ADGRD2: variants seen among roughly 807,000 people sequenced by gnomAD.
ADGRD2 encodes G protein-coupled receptor PGR24.
Under a neutral mutation model 44.4 loss-of-function variants are expected in ADGRD2, and 71 were observed. The ratio of observed to expected loss-of-function variants is 1.60; its 90% CI spans 1.32 to 1.95. ADGRD2 has a LOEUF of 1.95. Among genes scored for constraint, ADGRD2 ranks in the 30% most tolerant of loss-of-function variants. ADGRD2 has a pLI of 0.00. For missense variants in ADGRD2, 1,039 were observed against 512.4 expected, an observed-to-expected ratio of 2.03 and a Z score of -9.92; for synonymous variants, 481 against 224.8, an observed-to-expected ratio of 2.14 and a Z score of -10.19.
At chr9:124,464,221 C>T (rs4838182) in intron 10 of ADGRD2, among the ~76,000 whole-genome samples, 102,500 of 151,968 alleles carry the variant, frequency 0.67, 35,046 homozygotes, top group African/African-American at 0.78. Flanking sequence ...ATGTGTTACT[C>T]ATTGTGACAC....
chr9:124,473,485 G>A (rs187458737), intron 17 of ADGRD2, among the ~76,000 whole-genome samples: 240 of 152,322 alleles, frequency 1.6e-3, no homozygotes, highest in Non-Finnish European at 2.9e-3. Context: ...TTCAGCTGAC[G>A]TAACATTTGC....
At chr9:124,453,001 G>C (rs1831520708) in intron 2 of ADGRD2, 34 bp from the exon 6 acceptor site, 7 of 631,778 alleles carry the variant, frequency 1.1e-5, no homozygotes, top group Non-Finnish European at 2.0e-5. Flanking sequence ...GCACAGGTGA[G>C]GAAACTGAGG....
At position 124,454,881 on chromosome 9, in the gene ADGRD2, G is replaced by C. The variant is rs1466203668; in HGVS notation, c.1149G>C (p.Leu383=). 4.2e-6 allele frequency: 3 copies of C among 711,560 alleles called. No homozygotes were observed. In the East Asian group the frequency reaches 8.0e-5, roughly 19 times the overall value. 44.1% of individuals were successfully genotyped at this position (711,560 alleles called of 1,614,324 possible). A position where few individuals can be genotyped will look rare whatever the true frequency, so the allele number is the denominator to read the frequency against. Residue 383 remains leucine, a synonymous_variant, in exon 6 of 22, where the codon CTG becomes CTC. Transcript: ENST00000334810. The surrounding 1 kb of genome is among the most constrained non-coding windows in gnomAD (Gnocchi z 4.5). ...CCCTCTCCGAAGTCCATGGGGCCCT[G>C]TCCCCAGCGGAGGCCTCCAGCTTCC...
rs186472083 is a variant in ADGRD2, at chr9:124,460,716, A to G, written c.1870+1995A>G. On this transcript the variant is annotated intron_variant, in intron 10 of 21. Transcript: ENST00000334810. The stretch of plus-strand genomic sequence containing the variant: ...TTTTTCCATTTACCTGCTGACAGAG[A>G]TTTGACTTGTTTTCAGTTTGGGCTA... Among the ~76,000 whole-genome samples the G allele has an allele frequency of 1.8e-3, 268 of 152,018 alleles. 1 individual carries two copies. Among genetic ancestry groups the G allele is most frequent in the African/African-American group, 6.0e-3 (250 of 41,420 alleles).
chr9:124,472,111 G>A (rs1171629998), intron 17 of ADGRD2, among the ~76,000 whole-genome samples: 1 of 152,162 alleles, frequency 6.6e-6, no homozygotes, highest in Non-Finnish European at 1.5e-5. Flanking sequence ...GTGCCCCTCG[G>A]GTGGGCAGAG....
chr9:124,468,728 G>C, intron 14 of ADGRD2, 56 bp downstream of exon 17: 1 of 664,160 alleles, frequency 1.5e-6, no homozygotes. Flanking sequence ...TTGCACGGCC[G>C]ACCCTGCCAT....
At chr9:124,468,789 G>A (rs975403863) in intron 14 of ADGRD2, 117 bp downstream of exon 17, 15 of 616,120 alleles carry the variant, frequency 2.4e-5, no homozygotes, top group South Asian at 3.8e-5. Context: ...CTCAGCATCC[G>A]GCATTTAGCG....
chr9:124,452,704 C>T (rs1831510895), exon 2 of ADGRD2: 2 of 714,840 alleles, frequency 2.8e-6, no homozygotes, highest in Non-Finnish European at 5.2e-6. Flanking sequence ...GGCCCCTCTG[C>T]GGAGACCCCC....
chr9:124,451,997 G>GCCGGGGGGGGGCCCCCCCCCC, upstream of ADGRD2: 1 of 360,938 alleles, frequency 2.8e-6, no homozygotes, highest in Non-Finnish European at 5.5e-6. Flanking sequence ...TCCACTGAAT[G>GCCGGGGGGGGGCCCCCCCCCC]CCCCCCTCCC....
rs1380323576 is a variant in ADGRD2, at chr9:124,454,344, G to A, written c.1023-140G>A. On this transcript the variant is annotated intron_variant, in intron 4 of 21. Transcript: ENST00000334810. This position sits in a 1 kb window ranked among gnomAD's most constrained non-coding sequence, Gnocchi z 4.5. ...TCAGTTTCCCCATCTAGAACACCGT[G>A]TGTAAGACTCTGGACACACAGCCAT... is the stretch of plus-strand genomic sequence containing the variant. 5 of 610,938 alleles carry A rather than the reference G, an allele frequency of 8.2e-6. No homozygotes were observed. The East Asian group carries it at 8.3e-5, about 10-fold the overall frequency. The allele number at this position is 610,938 out of a possible 1,614,324, so 37.8% of individuals were successfully genotyped here.
intron 17 of ADGRD2, among the ~76,000 whole-genome samples, chr9:124,471,306 C>T (rs1831941973): frequency 6.6e-6 from 1 of 152,154 alleles, no homozygotes; most frequent in African/African-American, 2.4e-5. Context: ...ACCTCCTGCT[C>T]CCTGCTTGCC....
chr9:124,475,643 G>T, intron 19 of ADGRD2, 28 bp downstream of exon 22: 1 of 624,400 alleles, frequency 1.6e-6, no homozygotes, highest in Non-Finnish European at 2.9e-6. Flanking sequence ...GGTGTGGGTG[G>T]GGGCGGGAGG....
At chr9:124,455,299 T>C (rs1331792295) in intron 6 of ADGRD2, among the ~76,000 whole-genome samples, 172 bp downstream of exon 9, 1 of 152,184 alleles carries the variant, frequency 6.6e-6, no homozygotes, top group Non-Finnish European at 1.5e-5. Flanking sequence ...CCACAAACAA[T>C]TGCACTTGAG....
At chr9:124,451,997 G>GCCCCCCCCCCCCCCCCCCCCCCACCCCC, upstream of ADGRD2, 1 of 360,936 alleles carries the variant, frequency 2.8e-6, no homozygotes, top group South Asian at 2.1e-5. Context: ...TCCACTGAAT[G>GCCCCCCCCCCCCCCCCCCCCCCACCCCC]CCCCCCTCCC....
chr9:124,476,254 G>C (rs1455697986), intron 19 of ADGRD2, 103 bp from the exon 23 acceptor site: 2 of 611,904 alleles, frequency 3.3e-6, no homozygotes, highest in African/African-American at 3.7e-5. Flanking sequence ...CCTTGGAGTG[G>C]ATTCTTAGCG....
chr9:124,459,599 T>C (rs990353346), intron 10 of ADGRD2, among the ~76,000 whole-genome samples: 1 of 151,782 alleles, frequency 6.6e-6, no homozygotes, highest in Non-Finnish European at 1.5e-5. Flanking sequence ...TCAGAAAAAA[T>C]AGCATCTGTA....
At chr9:124,463,501 T>A (rs1256436271) in intron 10 of ADGRD2, among the ~76,000 whole-genome samples, 1 of 152,234 alleles carries the variant, frequency 6.6e-6, no homozygotes, top group Non-Finnish European at 1.5e-5. Flanking sequence ...TAAAATGAGT[T>A]GGGAAGAGAA....
rs1351208693 is a variant in ADGRD2, at chr9:124,452,159, G to C, written c.68+1G>C. On this transcript the variant is annotated splice_donor_variant, in intron 1 of 21. Transcript: ENST00000334810. LOFTEE classifies it high-confidence loss of function. ...CAAGGAACCCTTGGGCCCCAGGTTG[G>C]TATGAGGGATCCCCCCAGGGAGGGT... 7 of 715,950 alleles carry C rather than the reference G, an allele frequency of 9.8e-6. No individual in the cohort carries two copies. Among genetic ancestry groups the C allele is most frequent in the Non-Finnish European group, 1.8e-5 (7 of 383,776 alleles). The allele number at this position is 715,950 out of a possible 1,614,324, so 44.3% of individuals were successfully genotyped here.
At chr9:124,466,358 G>A (rs1480371808) in exon 11 of ADGRD2, 2 of 717,504 alleles carry the variant, frequency 2.8e-6, no homozygotes, top group Admixed American at 2.0e-5. Context: ...TCCACCGCCT[G>A]CTTCTGCAAC....
Sources: gnomAD v4.1 joint callset for allele counts (sites outside exome capture counted in the v4.1 genomes callset) on GRCh38, gnomAD v4.1.1 for gene constraint, Gnocchi (gnomAD v3.1) non-coding constraint, MANE v1.5 for transcripts, NCBI Gene and HGNC (gene_info 2026-07-23, HGNC 2026-07-21) for gene names.